The following TANC2 variants were observed in gnomAD, a reference collection of about 807,000 sequenced individuals.
TANC2 encodes protein TANC2.
In TANC2, 26 loss-of-function variants were observed where a neutral mutation model predicts 210.5. The observed-to-expected ratio is 0.12, with a 90% confidence interval of 0.09 to 0.17. The LOEUF is 0.17. Among genes scored for constraint, TANC2 ranks in the 10% least tolerant of loss-of-function variants. TANC2 has a pLI of 1.00. For synonymous variants in TANC2, 931 were observed against 967.1 expected, an observed-to-expected ratio of 0.96 and a Z score of 0.69; for missense variants, 2,129 against 2,608.9, an observed-to-expected ratio of 0.82 and a Z score of 4.01.
chr17:63,208,890 T>G (rs1452560675), intron 7 of TANC2, among the ~76,000 whole-genome samples: 2 of 152,096 alleles, frequency 1.3e-5, no homozygotes, highest in African/African-American at 4.8e-5. Context: ...TAATTTATAG[T>G]TTTTTTGTGG....
chr17:63,093,092 T>TC (rs1275827705), intron 3 of TANC2, among the ~76,000 whole-genome samples: 2 of 152,158 alleles, frequency 1.3e-5, no homozygotes, highest in Non-Finnish European at 2.9e-5. Flanking sequence ...TTTTGTGAAT[T>TC]CCAGTTCATC....
rs146249906 is a variant in TANC2, at chr17:63,121,764, G to A, written c.322+22407G>A. On this transcript the variant is annotated intron_variant, in intron 4 of 27. Transcript: ENST00000689528. ...ATATGTATTCCCCAGTTGAAGACAT[G>A]CTACTTAGATCATCGGGTCTGGGTA... Among the ~76,000 whole-genome samples, 49 of 152,194 alleles carry A rather than the reference G, an allele frequency of 3.2e-4. No homozygotes were observed. The East Asian group carries it at 9.5e-3, about 29-fold the overall frequency.
chr17:63,041,124 A>G (rs952246647), intron 2 of TANC2, among the ~76,000 whole-genome samples: 1 of 152,164 alleles, frequency 6.6e-6, no homozygotes, highest in Non-Finnish European at 1.5e-5. Flanking sequence ...CATAGTACTC[A>G]TATTGTATAT....
At chr17:63,208,981 T>TATTG (rs1011072197) in intron 7 of TANC2, among the ~76,000 whole-genome samples, 6 of 152,084 alleles carry the variant, frequency 3.9e-5, no homozygotes, top group Admixed American at 2.0e-4. Flanking sequence ...ATGTATTATT[T>TATTG]ATTGATTGAT....
At position 63,033,844 on chromosome 17, in the gene TANC2, CA is replaced by C. The variant is rs1366469269; in HGVS notation, c.67+24219del. On this transcript the variant is annotated intron_variant, in intron 2 of 27. Coordinates refer to ENST00000689528, the Ensembl canonical transcript of TANC2. ...GAGGAAGAGAGAGAGAATTGGAAGT[CA>C]TGACCATCCAGTGGTAATTGAAGTT... 2.0e-5 allele frequency among the ~76,000 whole-genome samples: 3 copies of C among 152,238 alleles called. No homozygotes were observed. The East Asian group carries it at 5.8e-4, about 29-fold the overall frequency.
chr17:63,023,589 A>C (rs2034435489), intron 2 of TANC2, among the ~76,000 whole-genome samples: 1 of 151,986 alleles, frequency 6.6e-6, no homozygotes, highest in Non-Finnish European at 1.5e-5. Flanking sequence ...ATTACTCCTT[A>C]ATTTTTGCTT....
rs1186077210 is a variant in TANC2, at chr17:63,248,311, A to G, written c.1033+10234A>G. Among the ~76,000 whole-genome samples the G allele has an allele frequency of 2.0e-5, 3 of 151,560 alleles. No homozygotes were observed. In the East Asian group the frequency reaches 5.8e-4, roughly 29 times the overall value. ...GGATTTCAAATATGAAGTGAGCTTGAAATAGGAAAAAAAAGTATATTCACA... is the reference window on the plus strand; with the variant it reads ...GGATTTCAAATATGAAGTGAGCTTGGAATAGGAAAAAAAAGTATATTCACA... On this transcript the variant is annotated intron_variant, in intron 8 of 27. Coordinates refer to ENST00000689528, the Ensembl canonical transcript of TANC2.
intron 5 of TANC2, among the ~76,000 whole-genome samples, chr17:63,168,915 A>T (rs1368455370): frequency 6.6e-6 from 1 of 152,260 alleles, no homozygotes; most frequent in East Asian, 1.9e-4. Flanking sequence ...TAGATCCTTT[A>T]TTAGCTTAGA....
chr17:63,331,856 C>CTGTGTGTG (rs765243268), intron 11 of TANC2: 53 of 153,320 alleles, frequency 3.5e-4, no homozygotes, highest in Non-Finnish European at 4.6e-4. Flanking sequence ...GTGTGTGTGT[C>CTGTGTGTG]TGTGTGTGTG....
chr17:63,329,200 A>G (rs977773383), intron 11 of TANC2, among the ~76,000 whole-genome samples: 1 of 152,130 alleles, frequency 6.6e-6, no homozygotes, highest in African/African-American at 2.4e-5. Context: ...TTTTTAATGA[A>G]TCAATAAAAA....
chr17:63,001,560 T>C lies in TANC2; in HGVS notation c.-23-7977T>C, dbSNP rs571543905. 2.1e-3 allele frequency among the ~76,000 whole-genome samples: 314 copies of C among 151,340 alleles called. 1 individual carries two copies. The highest frequency in any genetic ancestry group is 6.8e-3 in the Middle Eastern group (2 of 292). On this transcript the variant is annotated intron_variant, in intron 1 of 27. Transcript: ENST00000689528. ...TTTTTTTTCTTTTTCTTTCTTTCTTTTTTTTTTTCCAAGATGGAGTCTCCC... is the reference window on the plus strand; with the variant it reads ...TTTTTTTTCTTTTTCTTTCTTTCTTCTTTTTTTTCCAAGATGGAGTCTCCC...
intron 9 of TANC2, 29 bp from the exon 10 acceptor site, chr17:63,314,359 T>C: frequency 6.2e-7 from 1 of 1,607,082 alleles, no homozygotes; most frequent in East Asian, 2.2e-5. Flanking sequence ...CAGTTTGACC[T>C]AAGTTCTGCA....
chr17:63,339,393 A>G (rs2046151556), intron 11 of TANC2, among the ~76,000 whole-genome samples: 1 of 152,224 alleles, frequency 6.6e-6, no homozygotes, highest in Non-Finnish European at 1.5e-5. Flanking sequence ...AACAAAAAAC[A>G]GACCCTAGAA....
intron 11 of TANC2, among the ~76,000 whole-genome samples, chr17:63,329,087 A>G (rs1027437400): frequency 1.3e-5 from 2 of 152,180 alleles, no homozygotes; most frequent in Admixed American, 6.5e-5. Flanking sequence ...TTGGGAGTCT[A>G]TTGCAAAAAT....
intron 9 of TANC2, among the ~76,000 whole-genome samples, chr17:63,298,749 T>TA (rs2044615370): frequency 6.6e-6 from 1 of 152,138 alleles, no homozygotes; most frequent in Non-Finnish European, 1.5e-5. Flanking sequence ...AGATTTCCTT[T>TA]TTTATTTATT....
Position 63,200,977 on chromosome 17 carries a change from G to T in TANC2, c.769+20G>T. On this transcript the variant is annotated intron_variant, in intron 7 of 27. Transcript: ENST00000689528. ...TCATTGGTGAGTTGGTTTTTATATT[G>T]ATAATTTTGTGTCCTTTTTTTCCTT... is the stretch of plus-strand genomic sequence containing the variant. The T allele has an allele frequency of 6.3e-7, 1 of 1,577,980 alleles. No individual in the cohort carries two copies. Among genetic ancestry groups the T allele is most frequent in the South Asian group, 1.2e-5 (1 of 85,382 alleles).
At chr17:63,388,823 C>T (rs528152812) in intron 16 of TANC2, 66 bp downstream of exon 16, 5 of 1,215,366 alleles carry the variant, frequency 4.1e-6, no homozygotes, top group Non-Finnish European at 4.4e-6. Flanking sequence ...ACTAGAAGGA[C>T]ATTAAGTAGC....
chr17:63,392,719 G>A (rs2048021223), intron 17 of TANC2, among the ~76,000 whole-genome samples: 1 of 152,168 alleles, frequency 6.6e-6, no homozygotes, highest in Non-Finnish European at 1.5e-5. Flanking sequence ...ATACACGTTT[G>A]AGGTGATGGG....
At chr17:63,072,928 G>A (rs1472392319) in intron 2 of TANC2, among the ~76,000 whole-genome samples, 10 of 152,036 alleles carry the variant, frequency 6.6e-5, no homozygotes, top group Admixed American at 6.6e-4. Context: ...AGCAATAGAT[G>A]TTACTACACG....
Sources: allele counts gnomAD v4.1 joint callset (sites outside exome capture counted in the v4.1 genomes callset), GRCh38; gene constraint gnomAD v4.1.1; transcripts MANE v1.5; gene names NCBI Gene and HGNC (gene_info 2026-07-23, HGNC 2026-07-21).